The following ZNF407 variants were observed in gnomAD, a reference collection of about 807,000 sequenced individuals.
ZNF407 encodes zinc finger protein 407.
ZNF407 carries 17 observed loss-of-function variants against 131.2 expected under a neutral mutation model. The ratio of observed to expected loss-of-function variants is 0.13; its 90% CI spans 0.09 to 0.19. The LOEUF (loss-of-function observed/expected upper bound fraction) is 0.19. Ranked by LOEUF, ZNF407 falls within the 10% of genes least tolerant of loss-of-function variation. The pLI is 1.00. For missense variants in ZNF407, 2,681 were observed against 2,830.6 expected, an observed-to-expected ratio of 0.95 and a Z score of 1.20; for synonymous variants, 1,156 against 1,062.0, an observed-to-expected ratio of 1.09 and a Z score of -1.72.
chr18:74,753,832 C>G (rs1168570370), intron 3 of ZNF407, among the ~76,000 whole-genome samples: 1 of 151,978 alleles, frequency 6.6e-6, no homozygotes, highest in Non-Finnish European at 1.5e-5. Context: ...TTTGTTGTGT[C>G]TCTGCCAGGC....
intron 3 of ZNF407, among the ~76,000 whole-genome samples, chr18:74,642,655 G>C (rs569588824): frequency 3.6e-4 from 55 of 152,206 alleles, no homozygotes; most frequent in Admixed American, 4.6e-4. Context: ...TGTATAATTT[G>C]AACAGTGCCC....
Position 74,634,542 on chromosome 18 carries a change from G to A in ZNF407, c.3523G>A (p.Asp1175Asn). 1.9e-6 allele frequency: 3 copies of A among 1,613,752 alleles called. No homozygotes were observed. Among genetic ancestry groups the A allele is most frequent in the Non-Finnish European group, 2.5e-6 (3 of 1,179,868 alleles). ...GACTTTCCAACAGGCTCCTGTCAAG[G>A]ATAAAGTTAGGAAACCTGAGGAGAT... is the stretch of plus-strand genomic sequence containing the variant. ...CETFQQAPVKDKVRKPEEMMS... is the reference protein window; with the variant it reads ...CETFQQAPVKNKVRKPEEMMS... Residue 1175 changes from aspartate (D) to asparagine (N), a missense_variant, in exon 2 of 9, where the codon GAT becomes AAT. By Grantham distance (23) the Asp-to-Asn change is conservative. Coordinates refer to ENST00000299687, the MANE Select transcript of ZNF407 (RefSeq NM_017757.3).
At chr18:75,044,084 A>G (rs919982040) in intron 8 of ZNF407, among the ~76,000 whole-genome samples, 8 of 152,164 alleles carry the variant, frequency 5.3e-5, no homozygotes, top group African/African-American at 1.9e-4. Context: ...TGGGGCCACG[A>G]TATCAAACAC....
At chr18:74,798,835 T>G (rs965698961) in intron 4 of ZNF407, among the ~76,000 whole-genome samples, 1 of 152,086 alleles carries the variant, frequency 6.6e-6, no homozygotes, top group East Asian at 1.9e-4. Flanking sequence ...GCAAAAGAAA[T>G]TGTTTTCTCT....
At chr18:74,982,483 G>A (rs1972604278) in intron 8 of ZNF407, among the ~76,000 whole-genome samples, 1 of 152,204 alleles carries the variant, frequency 6.6e-6, no homozygotes, top group African/African-American at 2.4e-5. Flanking sequence ...TCCAGTGACT[G>A]TTGATTTGGA....
chr18:75,002,529 G>A (rs370248675), intron 8 of ZNF407, among the ~76,000 whole-genome samples: 6 of 152,152 alleles, frequency 3.9e-5, no homozygotes, highest in Non-Finnish European at 8.8e-5. Context: ...AGGGCCGGGC[G>A]CGGTGGCTGA....
intron 3 of ZNF407, among the ~76,000 whole-genome samples, chr18:74,674,033 T>C (rs538325690): frequency 6.5e-4 from 99 of 152,400 alleles, no homozygotes; most frequent in Non-Finnish European, 5.7e-4. Flanking sequence ...ATGGATTTAA[T>C]GAAGAACTAA....
At chr18:74,855,627 C>T (rs1469806075) in intron 4 of ZNF407, among the ~76,000 whole-genome samples, 1 of 152,064 alleles carries the variant, frequency 6.6e-6, no homozygotes, top group Non-Finnish European at 1.5e-5. Flanking sequence ...TATGTTTTTG[C>T]ACTCATAATC....
chr18:74,886,329 T>C (rs1971308487), intron 6 of ZNF407, among the ~76,000 whole-genome samples: 1 of 152,210 alleles, frequency 6.6e-6, no homozygotes, highest in Non-Finnish European at 1.5e-5. Flanking sequence ...CAAACAACTT[T>C]GTGAAACAGT....
Position 75,063,110 on chromosome 18 carries a change from G to T in ZNF407, c.5429-40G>T. 1 of 1,513,832 alleles carries T rather than the reference G, an allele frequency of 6.6e-7. No individual in the cohort carries two copies. The highest frequency in any genetic ancestry group is 1.3e-5 in the South Asian group (1 of 78,006). The allele number at this position is 1,513,832 out of a possible 1,614,324, so 93.8% of individuals were successfully genotyped here. A position where few individuals can be genotyped will look rare whatever the true frequency, so the allele number is the denominator to read the frequency against. ...AAGTGTCTTACTTGTAAGCCTACGA[G>T]TACTTTTTCCAGGCTCTAACTGGTC... On this transcript the variant is annotated intron_variant, in intron 8 of 8. Coordinates refer to ENST00000299687, the MANE Select transcript of ZNF407 (RefSeq NM_017757.3). The surrounding 1 kb of genome is among the most constrained non-coding windows in gnomAD (Gnocchi z 6.6).
At chr18:75,061,028 G>A (rs1335427023) in intron 8 of ZNF407, among the ~76,000 whole-genome samples, 1 of 152,192 alleles carries the variant, frequency 6.6e-6, no homozygotes, top group Non-Finnish European at 1.5e-5. Flanking sequence ...TGGAAGACAG[G>A]CCCTGTCTGG....
intron 3 of ZNF407, among the ~76,000 whole-genome samples, chr18:74,767,820 A>ATTTTTTTTTTT (rs10692267): frequency 1.1e-3 from 129 of 113,938 alleles, no homozygotes; most frequent in East Asian, 2.6e-3. Flanking sequence ...CGCCTGGCTA[A>ATTTTTTTTTTT]TTTTTTTTTT....
chr18:74,798,209 AACACACACACAC>A (rs35388545), intron 4 of ZNF407, among the ~76,000 whole-genome samples: 1 of 147,836 alleles, frequency 6.8e-6, no homozygotes, highest in South Asian at 2.2e-4. Context: ...CCTTTACACA[AACACACACACAC>A]ACACACACAC....
At position 74,633,803 on chromosome 18, in the gene ZNF407, TGAAG is replaced by T; in HGVS notation, c.2785_2788del (p.Glu929LeufsTer10). On this transcript the variant is annotated frameshift_variant, in exon 2 of 9. Transcript: ENST00000299687. LOFTEE classifies it high-confidence loss of function. Reference sequence around the variant, plus strand: ...TTGTTGGCCCTGAAGGGGGTAGCCTTGAAGCTGGTAAAAAGAATGCTGGCTCAGC... The same window carrying T: ...TTGTTGGCCCTGAAGGGGGTAGCCTTCTGGTAAAAAGAATGCTGGCTCAGC... 1 of 1,613,896 alleles carries T rather than the reference TGAAG, an allele frequency of 6.2e-7. No homozygotes were observed.
intron 8 of ZNF407, among the ~76,000 whole-genome samples, chr18:75,047,044 G>T (rs1326542337): frequency 6.6e-6 from 1 of 152,068 alleles, no homozygotes; most frequent in East Asian, 1.9e-4. Context: ...AGAATATTTG[G>T]GATTCTGATT....
At chr18:74,816,549 T>C (rs1250776377) in intron 4 of ZNF407, among the ~76,000 whole-genome samples, 5 of 152,250 alleles carry the variant, frequency 3.3e-5, no homozygotes, top group African/African-American at 1.2e-4. Context: ...TACTTTGTTA[T>C]GCCACAATAT....
Position 74,659,600 on chromosome 18 carries a change from C to T in ZNF407, c.4802+18478C>T, listed in dbSNP as rs1985623983. On this transcript the variant is annotated intron_variant, in intron 3 of 8. Transcript: ENST00000299687. The stretch of plus-strand genomic sequence containing the variant: ...ACAAATAGATAAAACATTTGTGACT[C>T]TTTTAATGATTATATTTCTTGATAG... Among the ~76,000 whole-genome samples, 3 of 152,120 alleles carry T rather than the reference C, an allele frequency of 2.0e-5. No individual in the cohort carries two copies. The South Asian group carries it at 6.2e-4, about 31-fold the overall frequency.
At chr18:74,911,350 T>C (rs1287329169) in intron 7 of ZNF407, among the ~76,000 whole-genome samples, 2 of 152,200 alleles carry the variant, frequency 1.3e-5, no homozygotes, top group African/African-American at 2.4e-5. Context: ...TAACCATCAC[T>C]CTCAAAGAGT....
chr18:74,646,968 T>C (rs1006074207), intron 3 of ZNF407, among the ~76,000 whole-genome samples: 1 of 152,236 alleles, frequency 6.6e-6, no homozygotes, highest in Non-Finnish European at 1.5e-5. Flanking sequence ...GGCCAGTAAG[T>C]ATGATCAACC....
Sources: allele counts gnomAD v4.1 joint callset (sites outside exome capture counted in the v4.1 genomes callset), GRCh38; gene constraint gnomAD v4.1.1; non-coding constraint Gnocchi (gnomAD v3.1); transcripts MANE v1.5; gene names NCBI Gene and HGNC (gene_info 2026-07-23, HGNC 2026-07-21).